Variants in ARGFX observed in about 807,000 individuals in gnomAD.
ARGFX encodes the protein arginine-fifty homeobox.
A neutral mutation model predicts 8.0 loss-of-function variants in ARGFX; 10 were observed. The ratio of observed to expected loss-of-function variants is 1.25; its 90% CI spans 0.77 to 2.12. The LOEUF (loss-of-function observed/expected upper bound fraction) is 2.12. ARGFX is among the 30% of genes most tolerant of loss of function. The pLI is 0.00. For missense variants in ARGFX, 282 were observed against 324.3 expected, an observed-to-expected ratio of 0.87 and a Z score of 1.00; for synonymous variants, 116 against 117.8, an observed-to-expected ratio of 0.98 and a Z score of 0.10.
Position 121,588,840 on chromosome 3 carries a change from T to TTG in ARGFX, c.*2240_*2241insTG, listed in dbSNP as rs1299143218. On this transcript the variant is annotated 3_prime_UTR_variant, in exon 5 of 5. Transcript: ENST00000334384. ...TACTTGGGAGGCTGAGGCAGGAGAA[T>TTG]CACAAGGATTGAAACTATGCAGTGT... Among the ~76,000 whole-genome samples, 2 of 151,852 alleles carry TTG rather than the reference T, an allele frequency of 1.3e-5. No homozygotes were observed. Among genetic ancestry groups the TTG allele is most frequent in the African/African-American group, 4.8e-5 (2 of 41,262 alleles).
intron 3 of ARGFX, among the ~76,000 whole-genome samples, chr3:121,577,535 A>G (rs763910103): frequency 2.8e-4 from 43 of 151,228 alleles, no homozygotes; most frequent in Non-Finnish European, 5.2e-4. Flanking sequence ...TGGGATTACA[A>G]GCATGAGCCA....
rs2108839699 is a variant in ARGFX, at chr3:121,586,367, G to A, written c.715G>A (p.Glu239Lys). 1.9e-6 allele frequency: 3 copies of A among 1,614,208 alleles called. No individual in the cohort carries two copies. Among genetic ancestry groups the A allele is most frequent in the East Asian group, 2.2e-5 (1 of 44,894 alleles). Residue 239 changes from glutamate to lysine, a missense_variant, in exon 5 of 5, where the codon GAG becomes AAG. Glu to Lys is a moderately conservative substitution (Grantham distance 56, BLOSUM62 1). Transcript: ENST00000334384. ...CATAGAACTGTACAATCTTCCTGAT[G>A]AGAATGAGATATCCAGCTCTTCTTT... ...QIIELYNLPD[E>K]NEISSSSFHC...
Position 121,576,822 on chromosome 3 carries a change from G to T in ARGFX, c.142G>T (p.Val48Phe). 1 of 409,980 alleles carries T rather than the reference G, an allele frequency of 2.4e-6. No homozygotes were observed. The highest frequency in any genetic ancestry group is 4.8e-6 in the Non-Finnish European group (1 of 209,610). 25.4% of individuals were successfully genotyped at this position (409,980 alleles called of 1,614,324 possible). The change falls in exon 3 of 5, where the codon GTC becomes TTC. Residue 48 changes from valine to phenylalanine, a missense_variant. Coordinates refer to ENST00000334384, the MANE Select transcript of ARGFX (RefSeq NM_001012659.2). Reference protein sequence around the residue: ...LLSKLECSGTVSAYCSLNLPG... With the variant: ...LLSKLECSGTFSAYCSLNLPG... ...ATCCAAGCTGGAGTGCAGTGGCACGGTCTCGGCTTACTGCAGCCTCAACCT... is the reference window on the plus strand; with the variant it reads ...ATCCAAGCTGGAGTGCAGTGGCACGTTCTCGGCTTACTGCAGCCTCAACCT...
At chr3:121,583,728 C>A (rs1452513977) in intron 3 of ARGFX, among the ~76,000 whole-genome samples, 1 of 151,962 alleles carries the variant, frequency 6.6e-6, no homozygotes, top group Non-Finnish European at 1.5e-5. Flanking sequence ...GGTCTCCCTA[C>A]ACTCCCCAGG....
At chr3:121,585,341 A>G (rs982000654) in intron 4 of ARGFX, among the ~76,000 whole-genome samples, 1 of 152,106 alleles carries the variant, frequency 6.6e-6, no homozygotes, top group Admixed American at 6.5e-5. Flanking sequence ...TATTTTTAAT[A>G]CTTGTACTAT....
rs535924551 is a variant in ARGFX, at chr3:121,583,888, A to T, written c.221-1029A>T. 2.0e-5 allele frequency among the ~76,000 whole-genome samples: 3 copies of T among 152,160 alleles called. No individual in the cohort carries two copies. The East Asian group carries it at 5.8e-4, about 29-fold the overall frequency. On this transcript the variant is annotated intron_variant, in intron 3 of 4. Coordinates refer to ENST00000334384, the MANE Select transcript of ARGFX (RefSeq NM_001012659.2). ...GCCTCAGAAATCCCATAAAAGAAAA[A>T]GCTCTACCAGGCACGGTGGTTCACA...
rs1362374862 is a variant in ARGFX at position 121,587,240 on chromosome 3, C to T, written c.*640C>T. ...CTAACTTTTGTATTTTTAGTAGAGACGGGGTTTCACCACGTTGCCCAGGCT... is the reference window on the plus strand; with the variant it reads ...CTAACTTTTGTATTTTTAGTAGAGATGGGGTTTCACCACGTTGCCCAGGCT... On this transcript the variant is annotated 3_prime_UTR_variant, in exon 5 of 5. Transcript: ENST00000334384. 3.9e-5 allele frequency among the ~76,000 whole-genome samples: 6 copies of T among 152,010 alleles called. No individual in the cohort carries two copies. Among genetic ancestry groups the T allele is most frequent in the African/African-American group, 9.7e-5 (4 of 41,388 alleles).
rs540135129 is a variant in ARGFX, at chr3:121,586,380, C to A, written c.728C>A (p.Ser243Tyr). ...LYNLPDENEI[S>Y]SSSFHCLYQY... is the part of the protein sequence containing the mutation. Reference sequence around the variant, plus strand: ...AATCTTCCTGATGAGAATGAGATATCCAGCTCTTCTTTCCACTGTCTGTAT... The same window carrying A: ...AATCTTCCTGATGAGAATGAGATATACAGCTCTTCTTTCCACTGTCTGTAT... The change falls in exon 5 of 5, where the codon TCC becomes TAC. Residue 243 changes from serine (S) to tyrosine (Y), a missense_variant. Ser to Tyr is a moderately radical substitution (Grantham distance 144). Coordinates refer to ENST00000334384, the MANE Select transcript of ARGFX (RefSeq NM_001012659.2). The A allele has an allele frequency of 1.2e-6, 2 of 1,614,182 alleles. No individual in the cohort carries two copies.
intron 3 of ARGFX, among the ~76,000 whole-genome samples, chr3:121,584,291 GC>G (rs1426535585): frequency 2.6e-5 from 4 of 151,750 alleles, no homozygotes; most frequent in East Asian, 1.9e-4. Flanking sequence ...GCAAAGCAAA[GC>G]AAAGCAAAGA....
At chr3:121,572,386 C>G (rs557859764) in intron 2 of ARGFX, among the ~76,000 whole-genome samples, 171 of 151,934 alleles carry the variant, frequency 1.1e-3, no homozygotes, top group Admixed American at 3.4e-3. Context: ...GGATTACAGG[C>G]AGGCGCTACC....
chr3:121,568,044 GA>G (rs1371295235), intron 1 of ARGFX, among the ~76,000 whole-genome samples, 31 bp downstream of exon 1: 2 of 152,136 alleles, frequency 1.3e-5, no homozygotes, highest in African/African-American at 4.8e-5. Context: ...AGGGTAGCCA[GA>G]ATGTGGGGCT....
chr3:121,577,702 C>A (rs1429852844), intron 3 of ARGFX, among the ~76,000 whole-genome samples: 1 of 152,096 alleles, frequency 6.6e-6, no homozygotes, highest in Non-Finnish European at 1.5e-5. Context: ...TGTATTAATG[C>A]CTTTACATTA....
intron 1 of ARGFX, among the ~76,000 whole-genome samples, chr3:121,568,552 T>C (rs956553124): frequency 1.3e-5 from 2 of 152,204 alleles, no homozygotes; most frequent in African/African-American, 2.4e-5. Flanking sequence ...AGACTCTCAA[T>C]GCCCATCCCA....
chr3:121,585,938 A>G, intron 4 of ARGFX, 84 bp from the exon 5 acceptor site: 1 of 1,310,536 alleles, frequency 7.6e-7, no homozygotes, highest in Non-Finnish European at 1.1e-6. Context: ...TGAAGATTAT[A>G]ACCTGGCTGT....
intron 2 of ARGFX, 107 bp from the exon 3 acceptor site, chr3:121,576,673 TTCTC>T (rs1225371439): frequency 3.0e-6 from 1 of 329,276 alleles, no homozygotes; most frequent in Non-Finnish European, 5.9e-6. Context: ...TGTTCTTTCT[TTCTC>T]TTTCTTTTTC....
chr3:121,583,719 G>T (rs958769784), intron 3 of ARGFX, among the ~76,000 whole-genome samples: 27 of 151,672 alleles, frequency 1.8e-4, no homozygotes, highest in Admixed American at 6.6e-5. Context: ...TAGAGACAGG[G>T]TCTCCCTACA....
intron 3 of ARGFX, among the ~76,000 whole-genome samples, chr3:121,584,339 C>A (rs2048799476): frequency 6.6e-6 from 1 of 151,528 alleles, no homozygotes; most frequent in Admixed American, 6.6e-5. Context: ...GACTGGATTC[C>A]TGAACAAATA....
chr3:121,572,099 T>G (rs1262936651), intron 2 of ARGFX, among the ~76,000 whole-genome samples: 1 of 152,034 alleles, frequency 6.6e-6, no homozygotes, highest in Non-Finnish European at 1.5e-5. Context: ...CTCAAAGTAC[T>G]GGGATTATAG....
intron 1 of ARGFX, among the ~76,000 whole-genome samples, chr3:121,570,251 A>G (rs2048699492): frequency 6.6e-6 from 1 of 152,204 alleles, no homozygotes. Flanking sequence ...TTCCTGAAAG[A>G]TATTTTCCCT....
Sources: gnomAD v4.1 joint callset for allele counts (sites outside exome capture counted in the v4.1 genomes callset) on GRCh38, gnomAD v4.1.1 for gene constraint, MANE v1.5 for transcripts, NCBI Gene and HGNC (gene_info 2026-07-23, HGNC 2026-07-21) for gene names.